The following XPO6 variants were observed in gnomAD, a reference collection of about 807,000 sequenced individuals.
XPO6 encodes the protein exportin 6, also known as exportin-6.
In XPO6, 3 loss-of-function variants were observed where a neutral mutation model predicts 130.0. The ratio of observed to expected loss-of-function variants is 0.02; its 90% CI spans 0.01 to 0.06. The LOEUF (loss-of-function observed/expected upper bound fraction) is 0.06, where lower values mean the gene tolerates loss of function less well. Among genes scored for constraint, XPO6 ranks in the 10% least tolerant of loss-of-function variants. The probability of loss-of-function intolerance (pLI) is 1.00; values close to 1 mark genes in which losing one functional copy is unlikely to be tolerated. For synonymous variants in XPO6, 524 were observed against 548.9 expected (o/e 0.95, Z 0.63); for missense variants, 970 against 1,393.0 (o/e 0.70, Z 4.83).
Position 28,125,671 on chromosome 16 carries a change from A to C in XPO6, c.1766+18T>G. 2 of 1,610,826 alleles carry C rather than the reference A, an allele frequency of 1.2e-6. No homozygotes were observed. Among genetic ancestry groups the C allele is most frequent in the Non-Finnish European group, 1.7e-6 (2 of 1,177,888 alleles). ...ACTCTGAAGAAGGAACAGCTCCATAAGGTAACTGCCAGCCTACCTTTCCAC... is the reference window on the plus strand; with the variant it reads ...ACTCTGAAGAAGGAACAGCTCCATACGGTAACTGCCAGCCTACCTTTCCAC... On this transcript the variant is annotated intron_variant, in intron 13 of 23. Transcript: ENST00000304658.
intron 16 of XPO6, 112 bp downstream of exon 16, chr16:28,112,792 G>T: frequency 7.3e-7 from 1 of 1,373,032 alleles, no homozygotes; most frequent in Non-Finnish European, 9.9e-7. Flanking sequence ...GTCTATGCTG[G>T]TACAGCCTGT....
chr16:28,181,264 T>G (rs1201952406), intron 1 of XPO6: 1 of 422,174 alleles, frequency 2.4e-6, no homozygotes, highest in Non-Finnish European at 4.2e-6. Context: ...GTGCAGCTGA[T>G]TTTCAATTAT....
intron 1 of XPO6, among the ~76,000 whole-genome samples, chr16:28,196,423 G>A (rs2043864416): frequency 6.6e-6 from 1 of 152,162 alleles, no homozygotes; most frequent in Non-Finnish European, 1.5e-5. Flanking sequence ...AGGGAGAAAG[G>A]GGAATGACTG....
chr16:28,099,544 GGTC>G, intron 23 of XPO6, among the ~76,000 whole-genome samples: 2 of 152,334 alleles, frequency 1.3e-5, no homozygotes, highest in East Asian at 3.9e-4. Context: ...AGAACACCCA[GGTC>G]TGCCTCCTGC....
chr16:28,148,443 C>G (rs1362681813), intron 8 of XPO6, among the ~76,000 whole-genome samples: 2 of 152,164 alleles, frequency 1.3e-5, no homozygotes, highest in Non-Finnish European at 2.9e-5. Flanking sequence ...TTGAAGTCGC[C>G]TAACTTTTCA....
At chr16:28,109,440 C>G (rs1276439203) in intron 17 of XPO6, among the ~76,000 whole-genome samples, 17 of 151,992 alleles carry the variant, frequency 1.1e-4, no homozygotes. Context: ...TTACACCTGC[C>G]AAGCACCTTC....
At chr16:28,117,531 C>T (rs139344830) in intron 14 of XPO6, 69 bp from the exon 15 acceptor site, 188 of 1,554,864 alleles carry the variant, frequency 1.2e-4, no homozygotes, top group Admixed American at 3.2e-4. Context: ...AACTCATTTT[C>T]ATAGGAGGTA....
chr16:28,189,678 T>G (rs2043755212), intron 1 of XPO6, among the ~76,000 whole-genome samples: 1 of 152,176 alleles, frequency 6.6e-6, no homozygotes, highest in African/African-American at 2.4e-5. Flanking sequence ...ACCCCTCTAT[T>G]AACACAATCT....
At chr16:28,122,415 AGTTC>A (rs1433429911) in intron 13 of XPO6, among the ~76,000 whole-genome samples, 4 of 152,130 alleles carry the variant, frequency 2.6e-5, no homozygotes, top group African/African-American at 9.7e-5. Flanking sequence ...TGAGTCCAGG[AGTTC>A]AAGACCAGCC....
intron 6 of XPO6, among the ~76,000 whole-genome samples, chr16:28,160,503 C>CAAAAAAAAAAAAAAAAAAAAAAA (rs1158204334): frequency 2.0e-4 from 23 of 116,642 alleles, no homozygotes; most frequent in South Asian, 1.1e-3. Context: ...GACTCCATCA[C>CAAAAAAAAAAAAAAAAAAAAAAA]CAAAAAAAAA....
intron 2 of XPO6, among the ~76,000 whole-genome samples, chr16:28,180,237 C>T (rs1264219695): frequency 6.6e-6 from 1 of 152,054 alleles, no homozygotes; most frequent in African/African-American, 2.4e-5. Context: ...TGGTGGTGGG[C>T]ACCTGTAATC....
At chr16:28,174,719 G>C (rs2043507138) in intron 4 of XPO6, among the ~76,000 whole-genome samples, 1 of 152,212 alleles carries the variant, frequency 6.6e-6, no homozygotes, top group African/African-American at 2.4e-5. Flanking sequence ...AAAATGGTTT[G>C]TATGAAGAGC....
In XPO6 at chr16:28,207,258, AAG is replaced by A. The variant is rs201809393; in HGVS notation, c.3+4106_3+4107del. 6.2e-3 allele frequency among the ~76,000 whole-genome samples: 934 copies of A among 150,528 alleles called. 10 individuals carry two copies. Among genetic ancestry groups the A allele is most frequent in the African/African-American group, 0.022 (888 of 40,500 alleles). On this transcript the variant is annotated intron_variant, in intron 1 of 23. Coordinates refer to ENST00000304658, the MANE Select transcript of XPO6 (RefSeq NM_015171.4). ...GCAAGATGCCATCTCAAAAAAAAAA[AAG>A]GAAAGAAAGAAAGAAAGAAAACAAA...
intron 4 of XPO6, among the ~76,000 whole-genome samples, chr16:28,172,073 G>A (rs763170416): frequency 1.3e-4 from 20 of 152,226 alleles, no homozygotes; most frequent in Non-Finnish European, 2.5e-4. Context: ...CCTACGATAT[G>A]GAAAATCTAT....
At chr16:28,196,272 C>A (rs986182419) in intron 1 of XPO6, among the ~76,000 whole-genome samples, 2 of 152,166 alleles carry the variant, frequency 1.3e-5, no homozygotes, top group Non-Finnish European at 2.9e-5. Flanking sequence ...TTCAATTCAA[C>A]TTTTACTTAA....
At chr16:28,202,060 G>A (rs545566166) in intron 1 of XPO6, among the ~76,000 whole-genome samples, 8 of 152,322 alleles carry the variant, frequency 5.3e-5, no homozygotes, top group Admixed American at 1.3e-4. Flanking sequence ...AGAAAAGGGC[G>A]CTAGAGCAGA....
chr16:28,142,994 A>G (rs1216245215), intron 9 of XPO6, among the ~76,000 whole-genome samples: 6 of 152,230 alleles, frequency 3.9e-5, no homozygotes, highest in Non-Finnish European at 8.8e-5. Flanking sequence ...TACAAGAATG[A>G]GCAATGGCAC....
At chr16:28,166,870 T>TA (rs2043365312) in intron 5 of XPO6, 21 of 960,258 alleles carry the variant, frequency 2.2e-5, no homozygotes, top group Middle Eastern at 5.3e-4. Context: ...ACTGGTCACT[T>TA]AATCCCCATC....
chr16:28,168,746 C>A (rs2043399081), intron 5 of XPO6, among the ~76,000 whole-genome samples: 2 of 151,162 alleles, frequency 1.3e-5, no homozygotes, highest in Non-Finnish European at 2.9e-5. Flanking sequence ...GGACTACAGG[C>A]ATGCATCATC....
Sources: allele counts gnomAD v4.1 joint callset (sites outside exome capture counted in the v4.1 genomes callset), GRCh38; gene constraint gnomAD v4.1.1; transcripts MANE v1.5; gene names NCBI Gene and HGNC (gene_info 2026-07-23, HGNC 2026-07-21).